The following DPF2 variants were observed in gnomAD, a reference collection of about 807,000 sequenced individuals.
DPF2 encodes double PHD fingers 2.
Under a neutral mutation model 59.6 loss-of-function variants are expected in DPF2, and 10 were observed. The observed-to-expected ratio is 0.17, with a 90% CI of 0.10 to 0.28. DPF2 has a LOEUF of 0.28. Ranked by LOEUF, DPF2 falls within the 10% of genes least tolerant of loss-of-function variation. DPF2 has a pLI of 1.00. For synonymous variants in DPF2, 189 were observed against 190.6 expected (o/e 0.99, Z 0.07); for missense variants, 315 against 509.4 (o/e 0.62, Z 3.67).
intron 1 of DPF2, among the ~76,000 whole-genome samples, chr11:65,336,834 T>C (rs1341499104): frequency 1.4e-5 from 2 of 146,674 alleles, no homozygotes; most frequent in Non-Finnish European, 3.0e-5. Flanking sequence ...CTCATGCCTG[T>C]AATCCCAGCA....
Position 65,340,555 on chromosome 11 carries a change from C to T in DPF2, c.193+10C>T, listed in dbSNP as rs1464503124. The T allele has an allele frequency of 2.7e-5, 44 of 1,613,822 alleles. No individual in the cohort carries two copies. Among genetic ancestry groups the T allele is most frequent in the Non-Finnish European group, 3.5e-5 (41 of 1,179,810 alleles). On this transcript the variant is annotated intron_variant, in intron 2 of 10. Transcript: ENST00000528416. ...CGACACCGGGGTCCAGGTGAGGGTC[C>T]AGACTTGGGAGAAGGGGACTCAGGA...
Position 65,345,715 on chromosome 11 carries a change from C to G in DPF2, c.687C>G (p.Ala229=), listed in dbSNP as rs1854507529. 4 of 1,614,090 alleles carry G rather than the reference C, an allele frequency of 2.5e-6. No homozygotes were observed. The highest frequency in any genetic ancestry group is 3.4e-6 in the Non-Finnish European group (4 of 1,180,016). Residue 229 remains alanine, a synonymous_variant, in exon 7 of 11, where the codon GCC becomes GCG. Coordinates refer to ENST00000528416, the MANE Select transcript of DPF2 (RefSeq NM_006268.5). ...GACCAGGCCTCAGTTACCACTATGCCCACTCCCACTTGGCTGAGGAGGAGG... is the reference window on the plus strand; with the variant it reads ...GACCAGGCCTCAGTTACCACTATGCGCACTCCCACTTGGCTGAGGAGGAGG... ...KNRPGLSYHY[A]HSHLAEEEGE...
Position 65,348,915 on chromosome 11 carries a change from G to A in DPF2, c.1083G>A (p.Met361Ile). 2 of 1,614,184 alleles carry A rather than the reference G, an allele frequency of 1.2e-6. No individual in the cohort carries two copies. The highest frequency in any genetic ancestry group is 1.7e-6 in the Non-Finnish European group (2 of 1,180,036). The stretch of plus-strand genomic sequence containing the variant: ...ACATGTACTGTCTCACCCCGTCCAT[G>A]TCTGAGCCCCCTGAAGGTAAGTTGC... ...GYHMYCLTPS[M>I]SEPPEGSWSC... Residue 361 changes from methionine (M) to isoleucine (I), a missense_variant, in exon 10 of 11, where the codon ATG becomes ATA. Physicochemically the swap from Met to Ile is conservative, Grantham distance 10 (BLOSUM62 1). This residue lies in a region of DPF2 where 27 missense variants were observed against 125.8 expected (regional missense o/e 0.21). Coordinates refer to ENST00000528416, the MANE Select transcript of DPF2 (RefSeq NM_006268.5).
intron 1 of DPF2, among the ~76,000 whole-genome samples, 195 bp downstream of exon 1, chr11:65,334,113 G>C (rs941524180): frequency 1.3e-5 from 2 of 152,222 alleles, no homozygotes; most frequent in African/African-American, 4.8e-5. Flanking sequence ...AGGCCCTGGT[G>C]GGGGCACACT....
intron 4 of DPF2, chr11:65,341,927 A>G (rs542795119): frequency 7.8e-5 from 13 of 165,962 alleles, no homozygotes; most frequent in Admixed American, 1.7e-4. Context: ...CTGGGCAACA[A>G]AGTGAGACCC....
Position 65,351,986 on chromosome 11 carries a change from G to C in DPF2, c.*227G>C. ...AGCAACACACTGCCCCTAGGCGTGC[G>C]TGTGGCCCAGTTTCTCTCTGCTCTC... On this transcript the variant is annotated 3_prime_UTR_variant, in exon 11 of 11. Coordinates refer to ENST00000528416, the MANE Select transcript of DPF2 (RefSeq NM_006268.5). 1.7e-6 allele frequency: 1 copy of C among 572,112 alleles called. No individual in the cohort carries two copies. Among genetic ancestry groups the C allele is most frequent in the Non-Finnish European group, 3.1e-6 (1 of 319,616 alleles). 35.4% of individuals were successfully genotyped at this position (572,112 alleles called of 1,614,324 possible).
chr11:65,346,070 C>T lies in DPF2; in HGVS notation c.904+12C>T, dbSNP rs762952357. On this transcript the variant is annotated intron_variant, in intron 8 of 10. Transcript: ENST00000528416. ...CTGTGGCCGCTCAGGTACTGCTTCC[C>T]GTGAAGGCTGCTGCTTTGCCCAGTC... 2.7e-5 allele frequency: 44 copies of T among 1,614,006 alleles called. No homozygotes were observed. Among genetic ancestry groups the T allele is most frequent in the Middle Eastern group, 1.7e-4 (1 of 6,056 alleles).
At position 65,351,815 on chromosome 11, in the gene DPF2, A is replaced by G. The variant is rs1854705510; in HGVS notation, c.*56A>G. 6 of 1,552,352 alleles carry G rather than the reference A, an allele frequency of 3.9e-6. No individual in the cohort carries two copies. The highest frequency in any genetic ancestry group is 5.3e-6 in the Non-Finnish European group (6 of 1,125,992). ...TAAGGCTGTTTCTCTCCTCCACTTC[A>G]TATTTCATACCCATCTTTCCCTTCT... is the stretch of plus-strand genomic sequence containing the variant. On this transcript the variant is annotated 3_prime_UTR_variant, in exon 11 of 11. Transcript: ENST00000528416.
At chr11:65,335,770 A>G (rs1950086792) in intron 1 of DPF2, among the ~76,000 whole-genome samples, 1 of 151,922 alleles carries the variant, frequency 6.6e-6, no homozygotes, top group South Asian at 2.1e-4. Context: ...AGCTGATGTT[A>G]TACATTGAGT....
intron 9 of DPF2, 106 bp from the exon 10 acceptor site, chr11:65,348,744 C>G: frequency 9.6e-7 from 1 of 1,039,054 alleles, no homozygotes; most frequent in Non-Finnish European, 1.5e-6. Flanking sequence ...ATTCTCACAT[C>G]TGTTCTTACC....
Position 65,354,027 on chromosome 11 carries a change from G to A in DPF2, c.*2268G>A, listed in dbSNP as rs1854795630. Among the ~76,000 whole-genome samples the A allele has an allele frequency of 6.6e-6, 1 of 152,198 alleles. No individual in the cohort carries two copies. Among genetic ancestry groups the A allele is most frequent in the African/African-American group, 2.4e-5 (1 of 41,442 alleles). On this transcript the variant is annotated 3_prime_UTR_variant, in exon 11 of 11. Transcript: ENST00000528416. ...GATTTGAGATGGGTCTTGGAGAGTT[G>A]GACAGTGTCAGCCGGTAGGACGGGG...
At chr11:65,341,183 T>A (rs1854359473) in intron 3 of DPF2, 110 bp downstream of exon 3, 1 of 1,295,770 alleles carries the variant, frequency 7.7e-7, no homozygotes, top group Admixed American at 2.1e-5. Context: ...CTCAAATGAA[T>A]ATGATGTGAT....
chr11:65,340,368 T>A lies in DPF2; in HGVS notation c.33-17T>A. On this transcript the variant is annotated splice_polypyrimidine_tract_variant and intron_variant, in intron 1 of 10. Coordinates refer to ENST00000528416, the MANE Select transcript of DPF2 (RefSeq NM_006268.5). ...CCCCGCTCCAACATACACGCCTGAT[T>A]TCTATCTTCCCTGCAGCCTTGGGGA... 6.2e-7 allele frequency: 1 copy of A among 1,613,154 alleles called. No homozygotes were observed. Among genetic ancestry groups the A allele is most frequent in the Non-Finnish European group, 8.5e-7 (1 of 1,179,286 alleles).
Position 65,343,781 on chromosome 11 carries a change from G to C in DPF2, c.502G>C (p.Asp168His). 6.3e-7 allele frequency: 1 copy of C among 1,598,180 alleles called. No homozygotes were observed. Among genetic ancestry groups the C allele is most frequent in the Non-Finnish European group, 8.5e-7 (1 of 1,172,612 alleles). Residue 168 changes from aspartate (D) to histidine (H), a missense_variant, in exon 5 of 11, where the codon GAT (aspartate) becomes CAT (histidine). Asp to His is a moderately conservative substitution (Grantham distance 81). Coordinates refer to ENST00000528416, the MANE Select transcript of DPF2 (RefSeq NM_006268.5). Reference sequence around the variant, plus strand: ...ACCAGATGACTTCCTGGATGACCTCGATGATGAAGACTATGAAGAAGATAC... The same window carrying C: ...ACCAGATGACTTCCTGGATGACCTCCATGATGAAGACTATGAAGAAGATAC... ...LEPDDFLDDL[D>H]DEDYEEDTPK... is the part of the protein sequence containing the mutation.
intron 9 of DPF2, 188 bp from the exon 10 acceptor site, chr11:65,348,662 G>T: frequency 2.1e-6 from 1 of 478,988 alleles, no homozygotes; most frequent in Non-Finnish European, 3.7e-6. Flanking sequence ...TAGGAGCTCT[G>T]AAAGGACCCA....
chr11:65,344,768 C>A, intron 6 of DPF2: 3 of 856,194 alleles, frequency 3.5e-6, no homozygotes, highest in Non-Finnish European at 5.4e-6. Flanking sequence ...TTCTGCTGTG[C>A]TCTACTCCTC....
At chr11:65,348,592 A>G in intron 9 of DPF2, 1 of 430,408 alleles carries the variant, frequency 2.3e-6, no homozygotes, top group Non-Finnish European at 4.1e-6. Context: ...AAAATATACC[A>G]TAGAGCTTGG....
At position 65,351,843 on chromosome 11, in the gene DPF2, C is replaced by T; in HGVS notation, c.*84C>T. On this transcript the variant is annotated 3_prime_UTR_variant, in exon 11 of 11. Coordinates refer to ENST00000528416, the MANE Select transcript of DPF2 (RefSeq NM_006268.5). Reference sequence around the variant, plus strand: ...TTTCATACCCATCTTTCCCTTCTTCCTCCTCTCCTTCACAAATCCAGAGAA... The same window carrying T: ...TTTCATACCCATCTTTCCCTTCTTCTTCCTCTCCTTCACAAATCCAGAGAA... 4 of 1,454,590 alleles carry T rather than the reference C, an allele frequency of 2.7e-6. No homozygotes were observed. The highest frequency in any genetic ancestry group is 1.4e-5 in the African/African-American group (1 of 71,636). 90.1% of individuals were successfully genotyped at this position (1,454,590 alleles called of 1,614,324 possible).
At chr11:65,343,525 G>A in intron 4 of DPF2, 2 of 563,762 alleles carry the variant, frequency 3.5e-6, no homozygotes, top group South Asian at 2.3e-5. Flanking sequence ...AGCATTTCAG[G>A]CTAAGGAAAT....
Sources: gnomAD v4.1 joint callset for allele counts (sites outside exome capture counted in the v4.1 genomes callset) on GRCh38, gnomAD v4.1.1 for gene constraint, gnomAD v4.1.1 regional missense constraint, MANE v1.5 for transcripts, NCBI Gene and HGNC (gene_info 2026-07-23, HGNC 2026-07-21) for gene names.